CYP7B1: variants seen among roughly 807,000 people sequenced by gnomAD.
The protein encoded by CYP7B1 is cytochrome P450 7B1.
CYP7B1 carries 29 observed loss-of-function variants against 42.7 expected under a neutral mutation model. The ratio of observed to expected loss-of-function variants is 0.68; its 90% confidence interval spans 0.51 to 0.93. The LOEUF (loss-of-function observed/expected upper bound fraction) is 0.93, where lower values mean the gene tolerates loss of function less well. Among genes scored for constraint, CYP7B1 ranks in the 40% least tolerant of loss-of-function variants. CYP7B1 has a pLI of 0.00. For synonymous variants in CYP7B1, 235 were observed against 218.2 expected (o/e 1.08, Z -0.68); for missense variants, 655 against 600.5 (o/e 1.09, Z -0.95).
At chr8:64,683,896 T>G (rs1308045403) in intron 1 of CYP7B1, among the ~76,000 whole-genome samples, 1 of 152,194 alleles carries the variant, frequency 6.6e-6, no homozygotes, top group Non-Finnish European at 1.5e-5. Context: ...GTTGTTCTTC[T>G]AGATACCCTC....
At chr8:64,741,024 C>T (rs564679521) in intron 1 of CYP7B1, among the ~76,000 whole-genome samples, 1 of 152,054 alleles carries the variant, frequency 6.6e-6, no homozygotes, top group Admixed American at 6.6e-5. Flanking sequence ...CAGATAAAGC[C>T]ATTACAAGAG....
intron 4 of CYP7B1, among the ~76,000 whole-genome samples, chr8:64,612,242 C>G (rs906186809): frequency 2.0e-5 from 3 of 151,962 alleles, no homozygotes; most frequent in Non-Finnish European, 4.4e-5. Context: ...CTCAGAGTTT[C>G]TCAAACTTCC....
At chr8:64,756,789 C>T (rs1399638328) in intron 1 of CYP7B1, among the ~76,000 whole-genome samples, 1 of 152,158 alleles carries the variant, frequency 6.6e-6, no homozygotes, top group Non-Finnish European at 1.5e-5. Context: ...TTCTTTGTAA[C>T]TTTGGACATG....
intron 1 of CYP7B1, among the ~76,000 whole-genome samples, chr8:64,737,912 C>G (rs558962446): frequency 2.0e-4 from 30 of 152,314 alleles, no homozygotes; most frequent in African/African-American, 7.2e-4. Flanking sequence ...ATTTGGTGAT[C>G]TCTTTTGTGT....
At chr8:64,709,603 A>G (rs1363668082) in intron 1 of CYP7B1, among the ~76,000 whole-genome samples, 1 of 152,206 alleles carries the variant, frequency 6.6e-6, no homozygotes, top group African/African-American at 2.4e-5. Context: ...TATTATCATT[A>G]TTTTAATTGT....
intron 1 of CYP7B1, among the ~76,000 whole-genome samples, chr8:64,789,640 G>T (rs1804586570): frequency 6.6e-6 from 1 of 152,192 alleles, no homozygotes; most frequent in African/African-American, 2.4e-5. Context: ...GGGAGGGTGT[G>T]CAACAAGCAT....
intron 2 of CYP7B1, among the ~76,000 whole-genome samples, chr8:64,622,038 G>A (rs1048476160): frequency 1.3e-5 from 2 of 152,010 alleles, no homozygotes; most frequent in East Asian, 3.9e-4. Context: ...TGATGAAACT[G>A]ATACTGTCTG....
At chr8:64,689,865 G>A (rs534109667) in intron 1 of CYP7B1, among the ~76,000 whole-genome samples, 2 of 152,088 alleles carry the variant, frequency 1.3e-5, no homozygotes, top group South Asian at 4.1e-4. Flanking sequence ...ACCACGCCCG[G>A]CCTGCTTCTG....
intron 1 of CYP7B1, among the ~76,000 whole-genome samples, chr8:64,661,501 G>A (rs375180171): frequency 2.6e-5 from 4 of 152,166 alleles, no homozygotes; most frequent in African/African-American, 9.7e-5. Flanking sequence ...TTTTCTATCA[G>A]TGAAGCCATA....
intron 1 of CYP7B1, among the ~76,000 whole-genome samples, chr8:64,710,208 C>T (rs1807061183): frequency 6.6e-6 from 1 of 152,166 alleles, no homozygotes; most frequent in African/African-American, 2.4e-5. Context: ...GACCAGGTCA[C>T]CCCATCCTCT....
intron 1 of CYP7B1, among the ~76,000 whole-genome samples, chr8:64,657,520 T>C (rs553185719): frequency 2.0e-5 from 3 of 152,190 alleles, no homozygotes; most frequent in Non-Finnish European, 4.4e-5. Flanking sequence ...TATGAATCCA[T>C]GACCTCCTGT....
intron 1 of CYP7B1, among the ~76,000 whole-genome samples, chr8:64,747,258 T>C (rs1230981050): frequency 6.8e-6 from 1 of 148,142 alleles, no homozygotes; most frequent in Non-Finnish European, 1.5e-5. Context: ...TTAAACGTAG[T>C]ATAAGTCATA....
At chr8:64,768,933 T>C (rs918142825) in intron 1 of CYP7B1, among the ~76,000 whole-genome samples, 1 of 152,136 alleles carries the variant, frequency 6.6e-6, no homozygotes, top group Admixed American at 6.5e-5. Flanking sequence ...TCTATGAGTT[T>C]GTTGCACAGG....
chr8:64,677,773 T>C (rs1178721652), intron 1 of CYP7B1, among the ~76,000 whole-genome samples: 1 of 132,902 alleles, frequency 7.5e-6, no homozygotes, highest in Non-Finnish European at 1.5e-5. Flanking sequence ...TAAAATTAAA[T>C]ATAAAATCTG....
Position 64,698,609 on chromosome 8 carries a change from G to A in CYP7B1, c.123-74070C>T, listed in dbSNP as rs577922193. Reference sequence around the variant, plus strand: ...GAAAAGGACAACATATTCAATATGCGAGATGATATTTACAGTTATTACTTA... The same window carrying A: ...GAAAAGGACAACATATTCAATATGCAAGATGATATTTACAGTTATTACTTA... On this transcript the variant is annotated intron_variant, in intron 1 of 5. Coordinates refer to ENST00000310193, the MANE Select transcript of CYP7B1 (RefSeq NM_004820.5). Among the ~76,000 whole-genome samples the A allele has an allele frequency of 9.2e-4, 140 of 152,202 alleles. 1 individual carries two copies. In the South Asian group the frequency reaches 0.028, roughly 31 times the overall value.
Position 64,615,130 on chromosome 8 carries a change from A to G in CYP7B1, c.953T>C (p.Val318Ala), listed in dbSNP as rs752671180. 8.1e-6 allele frequency: 13 copies of G among 1,613,524 alleles called. No individual in the cohort carries two copies. In the South Asian group the frequency reaches 1.1e-4, roughly 14 times the overall value. The part of the protein sequence containing the change: ...LLRHPEAMAA[V>A]RDEIDRLLQS... ...CAGCAAACGGTCAATTTCGTCACGC[A>G]CTGCTGCCATAGCTTCTGGGTGCCG... is the stretch of plus-strand genomic sequence containing the variant. The change falls in exon 4 of 6, where the codon GTG becomes GCG. Residue 318 changes from valine (V) to alanine (A), a missense_variant. Val to Ala is a moderately conservative substitution (Grantham distance 64). Coordinates refer to ENST00000310193, the MANE Select transcript of CYP7B1 (RefSeq NM_004820.5).
At chr8:64,780,478 T>C (rs538029917) in intron 1 of CYP7B1, among the ~76,000 whole-genome samples, 46 of 152,234 alleles carry the variant, frequency 3.0e-4, no homozygotes, top group African/African-American at 1.0e-3. Context: ...TTATTTTTTA[T>C]ATTAAGCAAT....
chr8:64,771,510 A>C (rs922816215), intron 1 of CYP7B1, among the ~76,000 whole-genome samples: 4 of 152,172 alleles, frequency 2.6e-5, no homozygotes, highest in Non-Finnish European at 5.9e-5. Context: ...TTCAGCTTCA[A>C]ATAACAGAAA....
chr8:64,788,556 C>T (rs1024489366), intron 1 of CYP7B1, among the ~76,000 whole-genome samples: 2 of 152,124 alleles, frequency 1.3e-5, no homozygotes, highest in Non-Finnish European at 2.9e-5. Flanking sequence ...GTGATGGGTG[C>T]TGTCCTGTCA....
Sources: allele counts gnomAD v4.1 joint callset (sites outside exome capture counted in the v4.1 genomes callset), GRCh38; gene constraint gnomAD v4.1.1; transcripts MANE v1.5; gene names NCBI Gene and HGNC (gene_info 2026-07-23, HGNC 2026-07-21).